HS6ST3: variants seen among roughly 807,000 people sequenced by gnomAD.
HS6ST3 encodes the protein heparan sulfate 6-O-sulfotransferase 3.
A neutral mutation model predicts 36.7 loss-of-function variants in HS6ST3; 12 were observed. The observed-to-expected ratio is 0.33, with a 90% confidence interval of 0.21 to 0.53. The LOEUF (loss-of-function observed/expected upper bound fraction) is 0.53, where lower values mean the gene tolerates loss of function less well. Ranked by LOEUF, HS6ST3 falls within the 20% of genes least tolerant of loss-of-function variation. The pLI, the probability that HS6ST3 is intolerant of heterozygous loss-of-function variation, is 0.95. For missense variants in HS6ST3, 584 were observed against 640.9 expected, an observed-to-expected ratio of 0.91 and a Z score of 0.96; for synonymous variants, 240 against 257.5, an observed-to-expected ratio of 0.93 and a Z score of 0.65.
In HS6ST3 at chr13:96,834,211, C is replaced by A. The variant is rs571451243; in HGVS notation, c.*1013C>A. 6.6e-6 allele frequency: 1 copy of A among 151,948 alleles called. No homozygotes were observed. Among genetic ancestry groups the A allele is most frequent in the Non-Finnish European group, 1.5e-5 (1 of 68,006 alleles). The allele number at this position is 151,948 out of a possible 1,614,324, so 9.4% of individuals were successfully genotyped here. A position where few individuals can be genotyped will look rare whatever the true frequency, so the allele number is the denominator to read the frequency against. ...AGAAAGATGTTTTTAAAAGCTTGGC[C>A]CAAAGAATAGGAACTTAGCTAGCAT... On this transcript the variant is annotated 3_prime_UTR_variant, in exon 2 of 2. Transcript: ENST00000376705.
intron 1 of HS6ST3, among the ~76,000 whole-genome samples, chr13:96,555,327 T>G (rs967145529): frequency 6.6e-5 from 10 of 152,174 alleles, no homozygotes; most frequent in Non-Finnish European, 1.0e-4. Flanking sequence ...TATTTCTCTA[T>G]TAACACAATG....
intron 1 of HS6ST3, among the ~76,000 whole-genome samples, chr13:96,332,054 C>T (rs566241774): frequency 3.3e-5 from 5 of 152,272 alleles, no homozygotes; most frequent in East Asian, 1.9e-4. Flanking sequence ...GCAGGGTGCA[C>T]GCACCCACTG....
At chr13:96,520,728 A>G (rs2056089984) in intron 1 of HS6ST3, among the ~76,000 whole-genome samples, 1 of 152,230 alleles carries the variant, frequency 6.6e-6, no homozygotes, top group African/African-American at 2.4e-5. Context: ...GTTGCTTATC[A>G]GCTTAAGGAG....
intron 1 of HS6ST3, among the ~76,000 whole-genome samples, chr13:96,377,237 C>A (rs1412591927): frequency 1.3e-5 from 2 of 151,438 alleles, no homozygotes; most frequent in South Asian, 4.2e-4. Flanking sequence ...GTGGTGATGC[C>A]TCAGCTACTT....
chr13:96,091,095 C>G lies in HS6ST3; in HGVS notation c.233C>G (p.Pro78Arg). 7.5e-7 allele frequency: 1 copy of G among 1,325,622 alleles called. No individual in the cohort carries two copies. Among genetic ancestry groups the G allele is most frequent in the Non-Finnish European group, 9.6e-7 (1 of 1,043,754 alleles). The allele number at this position is 1,325,622 out of a possible 1,614,324, so 82.1% of individuals were successfully genotyped here. ...CAGTTGCCCCCGCCGCCCCGGGGGC[C>G]CCCCGAGGGACCTCGGGGGGCCGCG... ...RPQLPPPPRG[P>R]PEGPRGAAAP... Residue 78 changes from proline to arginine, a missense_variant, in exon 1 of 2, where the codon CCC becomes CGC. Pro to Arg is a moderately radical substitution (Grantham distance 103). Around this residue, in one of 3 missense-constraint regions of HS6ST3, gnomAD observed 217 missense variants for 205.4 expected, o/e 1.06. Transcript: ENST00000376705.
At chr13:96,696,132 G>A (rs1385486679) in intron 1 of HS6ST3, among the ~76,000 whole-genome samples, 1 of 152,158 alleles carries the variant, frequency 6.6e-6, no homozygotes, top group South Asian at 2.1e-4. Flanking sequence ...TGGCTTACTT[G>A]ACCGTGGGGC....
At chr13:96,787,421 A>G (rs902316765) in intron 1 of HS6ST3, among the ~76,000 whole-genome samples, 1 of 152,030 alleles carries the variant, frequency 6.6e-6, no homozygotes, top group Admixed American at 6.6e-5. Context: ...TTATGCATGC[A>G]TGTATGTATG....
chr13:96,425,668 A>G (rs570632045), intron 1 of HS6ST3, among the ~76,000 whole-genome samples: 1 of 151,998 alleles, frequency 6.6e-6, no homozygotes, highest in Non-Finnish European at 1.5e-5. Context: ...GAGACCCCTA[A>G]CCCTACTCCT....
intron 1 of HS6ST3, among the ~76,000 whole-genome samples, chr13:96,513,180 T>C (rs1249120547): frequency 2.0e-5 from 3 of 152,124 alleles, no homozygotes; most frequent in Non-Finnish European, 4.4e-5. Context: ...CCCTCCCCCC[T>C]TTACTGGATG....
chr13:96,683,891 G>C (rs1011763139), intron 1 of HS6ST3, among the ~76,000 whole-genome samples: 4 of 152,022 alleles, frequency 2.6e-5, no homozygotes, highest in Admixed American at 6.6e-5. Flanking sequence ...TGGATTTGGA[G>C]GGTAGAGTTT....
intron 1 of HS6ST3, among the ~76,000 whole-genome samples, chr13:96,632,158 G>A (rs777982537): frequency 2.6e-5 from 4 of 152,070 alleles, no homozygotes; most frequent in Non-Finnish European, 5.9e-5. Context: ...CATCTCTTCT[G>A]CCCTGTGAGG....
intron 1 of HS6ST3, among the ~76,000 whole-genome samples, chr13:96,300,395 C>G (rs968356644): frequency 4.6e-5 from 7 of 152,116 alleles, no homozygotes; most frequent in African/African-American, 1.7e-4. Flanking sequence ...TCCTGACCCA[C>G]TCAATAGCAG....
intron 1 of HS6ST3, among the ~76,000 whole-genome samples, chr13:96,570,665 G>A (rs994449788): frequency 6.6e-6 from 1 of 152,198 alleles, no homozygotes; most frequent in Non-Finnish European, 1.5e-5. Context: ...ATACCCAATG[G>A]GGGGCAAGAT....
At chr13:96,397,714 C>G (rs1189254382) in intron 1 of HS6ST3, among the ~76,000 whole-genome samples, 3 of 152,180 alleles carry the variant, frequency 2.0e-5, no homozygotes, top group Admixed American at 6.5e-5. Flanking sequence ...AGTTCACTGC[C>G]CTTCCTGTAC....
At chr13:96,609,970 G>A (rs986977592) in intron 1 of HS6ST3, among the ~76,000 whole-genome samples, 1 of 152,142 alleles carries the variant, frequency 6.6e-6, no homozygotes, top group Non-Finnish European at 1.5e-5. Flanking sequence ...CATAAGAACA[G>A]CTATTATGCT....
At chr13:96,287,476 T>G (rs1035904461) in intron 1 of HS6ST3, among the ~76,000 whole-genome samples, 1 of 152,170 alleles carries the variant, frequency 6.6e-6, no homozygotes, top group African/African-American at 2.4e-5. Context: ...TCAAGGCACG[T>G]GTGGAAAGTA....
rs79914938 is a variant in HS6ST3, at chr13:96,253,838, A to G, written c.707+162269A>G. ...TGTCCCTAATATCATGGGCTTTTCT[A>G]TGATGGGGCTCCATTAATTTATCTT... On this transcript the variant is annotated intron_variant, in intron 1 of 1. Coordinates refer to ENST00000376705, the MANE Select transcript of HS6ST3 (RefSeq NM_153456.4). Among the ~76,000 whole-genome samples the G allele has an allele frequency of 3.9e-3, 594 of 152,292 alleles. 7 individuals are homozygous for G. In the East Asian group the frequency reaches 0.056, roughly 14 times the overall value.
At chr13:96,456,761 T>C (rs1487802603) in intron 1 of HS6ST3, among the ~76,000 whole-genome samples, 2 of 152,166 alleles carry the variant, frequency 1.3e-5, no homozygotes. Flanking sequence ...TTATGTGGAA[T>C]TTATAAAACT....
At chr13:96,395,091 A>G (rs1314285477) in intron 1 of HS6ST3, among the ~76,000 whole-genome samples, 1 of 152,170 alleles carries the variant, frequency 6.6e-6, no homozygotes. Context: ...TGGCTAATGC[A>G]CTTATATTAT....
Sources: gnomAD v4.1 joint callset for allele counts (sites outside exome capture counted in the v4.1 genomes callset) on GRCh38, gnomAD v4.1.1 for gene constraint, gnomAD v4.1.1 regional missense constraint, MANE v1.5 for transcripts, NCBI Gene and HGNC (gene_info 2026-07-23, HGNC 2026-07-21) for gene names.